CLIC5: variants seen among roughly 807,000 people sequenced by gnomAD.
The protein encoded by CLIC5 is chloride intracellular channel protein 5.
Under a neutral mutation model 24.7 loss-of-function variants are expected in CLIC5, and 20 were observed. That is an observed-to-expected ratio of 0.81 (90% CI 0.57 to 1.18). The LOEUF is 1.18. Among genes scored for constraint, CLIC5 ranks in the 50% most tolerant of loss-of-function variants. The pLI is 0.00. For missense variants in CLIC5, 341 were observed against 326.1 expected (o/e 1.05, Z -0.35); for synonymous variants, 159 against 135.6 (o/e 1.17, Z -1.20).
the CLIC5 span, among the ~76,000 whole-genome samples, chr6:46,108,401 T>TGTGTGA: frequency 4.6e-3 from 647 of 141,718 alleles, 2 homozygotes; most frequent in African/African-American, 0.015. Flanking sequence ...TGTGTGTGTG[T>TGTGTGA]GAGAGAGAGA....
intron 1 of CLIC5, among the ~76,000 whole-genome samples, chr6:46,005,435 CAAA>C (rs1483979949): frequency 6.6e-6 from 1 of 152,296 alleles, no homozygotes; most frequent in East Asian, 1.9e-4. Context: ...CCTCCCACGC[CAAA>C]ACACCCTGCC....
At chr6:45,912,610 C>T in intron 5 of CLIC5, 1 of 1,472,720 alleles carries the variant, frequency 6.8e-7, no homozygotes, top group Non-Finnish European at 9.1e-7. Flanking sequence ...AAATGATGTG[C>T]CTCAGCTCAT....
intron 1 of CLIC5, among the ~76,000 whole-genome samples, chr6:46,010,791 C>G (rs1332850833): frequency 6.6e-6 from 1 of 152,208 alleles, no homozygotes; most frequent in Non-Finnish European, 1.5e-5. Flanking sequence ...ACTGCCATAG[C>G]AGGGCAGGCA....
chr6:46,093,169 A>T, the CLIC5 span, among the ~76,000 whole-genome samples: 14 of 152,026 alleles, frequency 9.2e-5, 1 homozygote, highest in Non-Finnish European at 1.3e-4. Context: ...TTTTGTTTTC[A>T]TGTCTGTTGG....
Position 45,941,650 on chromosome 6 carries a change from G to A in CLIC5, c.303C>T (p.Tyr101=). ...CCCGGTGTTTTGCAGCCAGTTTGGG[G>A]TACCTGGAATGGAGGATGCAGTGTT... ...FLEETLTPEK[Y]PKLAAKHRES... The change falls in exon 4 of 6, where the codon TAC becomes TAT. Residue 101 remains tyrosine, a synonymous_variant. Transcript: ENST00000339561. 3 of 1,613,422 alleles carry A rather than the reference G, an allele frequency of 1.9e-6. No individual in the cohort carries two copies. Among genetic ancestry groups the A allele is most frequent in the South Asian group, 1.1e-5 (1 of 91,036 alleles).
rs1164978049 is a variant in CLIC5, at chr6:46,068,412, C to A, written c.540+11291G>T. ...TCCTCCCTCATTACCCTGGAGATTC[C>A]TGGGGGTAACTTATTTCCTCCCTCC... On this transcript the variant is annotated intron_variant, in intron 1 of 5. Coordinates refer to the CLIC5 transcript ENST00000185206. Among the ~76,000 whole-genome samples the A allele has an allele frequency of 2.0e-5, 3 of 152,108 alleles. No individual in the cohort carries two copies. In the East Asian group the frequency reaches 5.8e-4, roughly 29 times the overall value.
Position 45,898,567 on chromosome 6 carries a change from A to C in CLIC5, c.*4521T>G, listed in dbSNP as rs1762432694. 1 of 152,652 alleles carries C rather than the reference A, an allele frequency of 6.6e-6. No homozygotes were observed. The highest frequency in any genetic ancestry group is 2.4e-5 in the African/African-American group (1 of 41,454). The allele number at this position is 152,652 out of a possible 1,614,324, so 9.5% of individuals were successfully genotyped here. On this transcript the variant is annotated 3_prime_UTR_variant, in exon 6 of 6. Coordinates refer to ENST00000339561, the MANE Select transcript of CLIC5 (RefSeq NM_016929.5). Reference sequence around the variant, plus strand: ...GAGGAAAACACTCAGCTGTATCTTCATTAAAAGGCATTTTACATTTATTAA... The same window carrying C: ...GAGGAAAACACTCAGCTGTATCTTCCTTAAAAGGCATTTTACATTTATTAA...
At chr6:46,055,291 C>T (rs1283064386) in intron 1 of CLIC5, among the ~76,000 whole-genome samples, 9 of 152,160 alleles carry the variant, frequency 5.9e-5, no homozygotes, top group African/African-American at 1.2e-4. Flanking sequence ...TTAGTAGAGA[C>T]GGTGTTTCAC....
intron 1 of CLIC5, among the ~76,000 whole-genome samples, chr6:45,995,659 A>C (rs1464963998): frequency 6.6e-6 from 1 of 152,246 alleles, no homozygotes; most frequent in Non-Finnish European, 1.5e-5. Context: ...ATTAGGTGTT[A>C]CAATTAATAT....
chr6:46,056,290 T>C (rs1382790929), intron 1 of CLIC5, among the ~76,000 whole-genome samples: 1 of 152,124 alleles, frequency 6.6e-6, no homozygotes, highest in South Asian at 2.1e-4. Context: ...GCTCCATACT[T>C]AGCCCTCTTG....
At chr6:45,906,564 C>CTTT (rs35362216) in intron 5 of CLIC5, among the ~76,000 whole-genome samples, 38 of 141,702 alleles carry the variant, frequency 2.7e-4, no homozygotes, top group African/African-American at 7.8e-4. Context: ...TGTACATTGA[C>CTTT]TTTTTTTTTT....
chr6:45,912,089 G>A (rs1762842536), intron 5 of CLIC5: 3 of 986,158 alleles, frequency 3.0e-6, no homozygotes, highest in Non-Finnish European at 3.6e-6. Context: ...CCATGCTCAT[G>A]TTCTGAATTT....
intron 1 of CLIC5, among the ~76,000 whole-genome samples, chr6:46,068,845 C>T (rs1762512928): frequency 6.6e-6 from 1 of 152,164 alleles, no homozygotes; most frequent in South Asian, 2.1e-4. Context: ...ACCCTGCCAA[C>T]ACCTTGATCT....
intron 4 of CLIC5, among the ~76,000 whole-genome samples, chr6:45,921,658 T>C (rs185345381): frequency 6.6e-5 from 10 of 150,688 alleles, no homozygotes; most frequent in African/African-American, 2.4e-4. Context: ...TGAAGTGAAG[T>C]TTATCTGAAC....
intron 1 of CLIC5, among the ~76,000 whole-genome samples, chr6:46,055,540 C>T (rs1043869576): frequency 1.3e-5 from 2 of 152,226 alleles, no homozygotes; most frequent in African/African-American, 4.8e-5. Context: ...GCCAGGCCAT[C>T]AGTACTTTTC....
chr6:46,075,614 TA>T (rs1762745747), intron 1 of CLIC5, among the ~76,000 whole-genome samples: 1 of 152,154 alleles, frequency 6.6e-6, no homozygotes, highest in African/African-American at 2.4e-5. Context: ...AAACCTGCTC[TA>T]AGACATATTC....
At chr6:45,888,495 A>G (rs528598789) in intron 6 of CLIC5, among the ~76,000 whole-genome samples, 3 of 152,328 alleles carry the variant, frequency 2.0e-5, no homozygotes, top group East Asian at 3.9e-4. Flanking sequence ...GTAAGGAACT[A>G]TGGGATGAGT....
At chr6:46,067,273 G>T (rs115452076) in intron 1 of CLIC5, among the ~76,000 whole-genome samples, 1 of 151,886 alleles carries the variant, frequency 6.6e-6, no homozygotes, top group Non-Finnish European at 1.5e-5. Flanking sequence ...AACAAGATTC[G>T]TTCCCCAAGG....
At chr6:45,992,490 G>T (rs2127424653) in intron 1 of CLIC5, among the ~76,000 whole-genome samples, 1 of 152,318 alleles carries the variant, frequency 6.6e-6, no homozygotes, top group South Asian at 2.1e-4. Flanking sequence ...TTATTGAAGA[G>T]AATTTTAGAA....
Sources: gnomAD v4.1 joint callset for allele counts (sites outside exome capture counted in the v4.1 genomes callset) on GRCh38, gnomAD v4.1.1 for gene constraint, MANE v1.5 for transcripts, NCBI Gene and HGNC (gene_info 2026-07-23, HGNC 2026-07-21) for gene names.